Variants in PSMA8 observed in about 807,000 individuals in gnomAD.
PSMA8 encodes proteasome 20S subunit alpha 8.
PSMA8 carries 18 observed loss-of-function variants against 32.4 expected under a neutral mutation model. The observed-to-expected ratio is 0.56, with a 90% CI of 0.38 to 0.82. The LOEUF (loss-of-function observed/expected upper bound fraction) is 0.82, where lower values mean the gene tolerates loss of function less well. Ranked by LOEUF, PSMA8 falls within the 40% of genes least tolerant of loss-of-function variation. The probability of loss-of-function intolerance (pLI) is 0.00; values close to 1 mark genes in which losing one functional copy is unlikely to be tolerated. For missense variants in PSMA8, 298 were observed against 300.7 expected (o/e 0.99, Z 0.07); for synonymous variants, 104 against 98.1 (o/e 1.06, Z -0.36).
At chr18:26,144,875 A>C (rs1186937662) in intron 2 of PSMA8, among the ~76,000 whole-genome samples, 190 bp downstream of exon 2, 1 of 152,214 alleles carries the variant, frequency 6.6e-6, no homozygotes. Context: ...ATGTTAAAAG[A>C]TATATATTAC....
At chr18:26,188,121 A>G (rs1200925357) in intron 6 of PSMA8, among the ~76,000 whole-genome samples, 1 of 152,178 alleles carries the variant, frequency 6.6e-6, no homozygotes, top group Non-Finnish European at 1.5e-5. Context: ...ACTAGAAATC[A>G]GTAACTAGAG....
intron 4 of PSMA8, among the ~76,000 whole-genome samples, chr18:26,160,149 T>C (rs985505041): frequency 6.6e-6 from 1 of 152,036 alleles, no homozygotes; most frequent in African/African-American, 2.4e-5. Context: ...AAAAACAATT[T>C]AAATCTTAGC....
chr18:26,145,160 C>T (rs562917542), intron 2 of PSMA8, among the ~76,000 whole-genome samples: 1 of 152,124 alleles, frequency 6.6e-6, no homozygotes, highest in East Asian at 1.9e-4. Flanking sequence ...CTCTTGTTGC[C>T]CAGGCTGGAG....
At chr18:26,148,067 C>T (rs373962696) in intron 2 of PSMA8, among the ~76,000 whole-genome samples, 2 of 152,088 alleles carry the variant, frequency 1.3e-5, no homozygotes, top group Admixed American at 1.3e-4. Flanking sequence ...TAGGATCTAA[C>T]GACTTCACCA....
chr18:26,162,559 T>C (rs1376434501), intron 4 of PSMA8, among the ~76,000 whole-genome samples: 1 of 152,294 alleles, frequency 6.6e-6, no homozygotes, highest in South Asian at 2.1e-4. Context: ...TTTTAATGCA[T>C]AGCTAAATAC....
At chr18:26,168,211 T>C (rs1415495441) in intron 4 of PSMA8, among the ~76,000 whole-genome samples, 2 of 125,336 alleles carry the variant, frequency 1.6e-5, no homozygotes, top group Admixed American at 7.8e-5. Context: ...TAGCAATGTC[T>C]TCTGTTTTTT....
At chr18:26,159,827 G>A (rs1229071952) in intron 4 of PSMA8, among the ~76,000 whole-genome samples, 1 of 152,052 alleles carries the variant, frequency 6.6e-6, no homozygotes, top group East Asian at 1.9e-4. Flanking sequence ...TTGCATACAC[G>A]TGGATACCCC....
At chr18:26,184,567 G>C (rs946810330) in intron 6 of PSMA8, among the ~76,000 whole-genome samples, 3 of 149,488 alleles carry the variant, frequency 2.0e-5, no homozygotes, top group African/African-American at 7.4e-5. Context: ...GAGGTCAGGG[G>C]TTCGAGACCA....
intron 6 of PSMA8, among the ~76,000 whole-genome samples, chr18:26,191,747 GT>G (rs1318928583): frequency 6.6e-6 from 1 of 152,084 alleles, no homozygotes; most frequent in Middle Eastern, 3.2e-3. Context: ...GAGTCACCAG[GT>G]TTGGCCAATA....
In PSMA8 at chr18:26,192,638, A is replaced by G; in HGVS notation, c.*227A>G. On this transcript the variant is annotated 3_prime_UTR_variant, in exon 7 of 7. Coordinates refer to ENST00000415576, the MANE Select transcript of PSMA8 (RefSeq NM_001025096.2). ...GGGGATTTCAGTAATTGTTGAGAGC[A>G]GTCATAATTCCACATAAGCCTGAGA... The G allele has an allele frequency of 3.2e-6, 1 of 317,250 alleles. No individual in the cohort carries two copies. Among genetic ancestry groups the G allele is most frequent in the Non-Finnish European group, 5.3e-6 (1 of 187,524 alleles). 19.7% of individuals were successfully genotyped at this position (317,250 alleles called of 1,614,324 possible).
At position 26,158,186 on chromosome 18, in the gene PSMA8, A is replaced by T. The variant is rs753010966; in HGVS notation, c.419A>T (p.Asp140Val). 5 of 1,607,974 alleles carry T rather than the reference A, an allele frequency of 3.1e-6. No homozygotes were observed. Among genetic ancestry groups the T allele is most frequent in the Admixed American group, 1.7e-5 (1 of 59,870 alleles). ...TCTGCCTTAATTGTAGGTTTTGATGATGATGGTATCTCAAGATTGTATCAG... is the reference window on the plus strand; with the variant it reads ...TCTGCCTTAATTGTAGGTTTTGATGTTGATGGTATCTCAAGATTGTATCAG... ...GISALIVGFD[D>V]DGISRLYQTD... Residue 140 changes from aspartate (D) to valine (V), a missense_variant, in exon 4 of 7, where the codon GAT (aspartate) becomes GTT (valine). By Grantham distance (152) the Asp-to-Val change is radical (BLOSUM62 -3). Transcript: ENST00000415576.
At chr18:26,135,781 G>T (rs1429642202) in intron 1 of PSMA8, among the ~76,000 whole-genome samples, 1 of 152,130 alleles carries the variant, frequency 6.6e-6, no homozygotes, top group African/African-American at 2.4e-5. Context: ...CTGATTGATG[G>T]TTCCTTTGTA....
intron 4 of PSMA8, among the ~76,000 whole-genome samples, chr18:26,176,699 G>A (rs9945490): frequency 4.1e-3 from 621 of 152,206 alleles, no homozygotes; most frequent in African/African-American, 0.011. Flanking sequence ...TTGGGAGGCT[G>A]AGGCAGGCAG....
At chr18:26,150,362 G>A (rs549402975) in intron 2 of PSMA8, among the ~76,000 whole-genome samples, 2 of 150,506 alleles carry the variant, frequency 1.3e-5, no homozygotes, top group South Asian at 2.1e-4. Context: ...TCAGAGACAG[G>A]TTTTCACTTT....
rs532670296 is a variant in PSMA8, at chr18:26,178,846, G to A, written c.494G>A (p.Arg165Gln). 3.2e-5 allele frequency: 51 copies of A among 1,611,672 alleles called. No individual in the cohort carries two copies. Among genetic ancestry groups the A allele is most frequent in the Middle Eastern group, 1.7e-4 (1 of 6,056 alleles). ...TTTTTCAAGGCAAATGCAATAGGCC[G>A]AAGTGCTAAAACTGTTCGAGAATTT... The part of the protein sequence containing the change: ...YHAWKANAIG[R>Q]SAKTVREFLE... Residue 165 changes from arginine (R) to glutamine (Q), a missense_variant, in exon 5 of 7, where the codon CGA becomes CAA. By Grantham distance (43) the Arg-to-Gln change is conservative (BLOSUM62 1). Transcript: ENST00000415576.
chr18:26,142,189 G>C (rs569407695), intron 1 of PSMA8, among the ~76,000 whole-genome samples: 1 of 151,716 alleles, frequency 6.6e-6, no homozygotes, highest in Admixed American at 6.6e-5. Flanking sequence ...ACAGGCGCCC[G>C]CCACCACGCC....
chr18:26,150,750 T>A (rs1026055423), intron 2 of PSMA8, among the ~76,000 whole-genome samples: 3 of 152,254 alleles, frequency 2.0e-5, no homozygotes, highest in Non-Finnish European at 2.9e-5. Flanking sequence ...GAATCAATTA[T>A]ATTACTACTT....
intron 1 of PSMA8, among the ~76,000 whole-genome samples, chr18:26,134,367 C>CTTTG (rs376992859): frequency 5.3e-5 from 7 of 131,992 alleles, no homozygotes; most frequent in African/African-American, 2.4e-4. Flanking sequence ...GTGTGTGTCT[C>CTTTG]TGTGTGTGTG....
chr18:26,140,962 A>C (rs936132062), intron 1 of PSMA8, among the ~76,000 whole-genome samples: 1 of 152,192 alleles, frequency 6.6e-6, no homozygotes, highest in Non-Finnish European at 1.5e-5. Flanking sequence ...ATATCTTTCA[A>C]TCAGATTTTC....
Sources: gnomAD v4.1 joint callset for allele counts (sites outside exome capture counted in the v4.1 genomes callset) on GRCh38, gnomAD v4.1.1 for gene constraint, MANE v1.5 for transcripts, NCBI Gene and HGNC (gene_info 2026-07-23, HGNC 2026-07-21) for gene names.